The following SP140 variants were observed in gnomAD, a reference collection of about 807,000 sequenced individuals.
The protein encoded by SP140 is SP140 nuclear body protein.
A neutral mutation model predicts 125.0 loss-of-function variants in SP140; 81 were observed. The ratio of observed to expected loss-of-function variants is 0.65; its 90% CI spans 0.54 to 0.78. SP140 has a LOEUF of 0.78. SP140 is among the 30% of genes least tolerant of loss of function. The pLI is 0.00. For missense variants in SP140, 858 were observed against 1,037.0 expected (o/e 0.83, Z 2.37); for synonymous variants, 312 against 354.0 (o/e 0.88, Z 1.33).
At chr2:230,269,388 G>A (rs1282980172) in intron 12 of SP140, 144 bp from the exon 13 acceptor site, 1 of 623,504 alleles carries the variant, frequency 1.6e-6, no homozygotes, top group Non-Finnish European at 2.9e-6. Flanking sequence ...TGTGTCAAAT[G>A]TGATTATTGG....
Position 230,285,797 on chromosome 2 carries a change from C to T in SP140, c.1610C>T (p.Ala537Val), listed in dbSNP as rs763966598. Residue 537 changes from alanine (A) to valine (V), a missense_variant, in exon 17 of 27, where the codon GCG becomes GTG. By Grantham distance (64) the Ala-to-Val change is moderately conservative. Transcript: ENST00000392045. Reference protein sequence around the residue: ...DGQVVSSEKKANVNLKDLSKI... With the variant: ...DGQVVSSEKKVNVNLKDLSKI... ...CAGGTGGTCTCCAGTGAAAAGAAGG[C>T]GAACGTGAATCTGAAAGACCTTTCC... 3.6e-5 allele frequency: 58 copies of T among 1,613,504 alleles called. 1 individual carries two copies. Among genetic ancestry groups the T allele is most frequent in the Admixed American group, 1.0e-4 (6 of 59,986 alleles).
chr2:230,301,878 T>G (rs1196572917), intron 22 of SP140, among the ~76,000 whole-genome samples: 5 of 152,096 alleles, frequency 3.3e-5, no homozygotes, highest in Non-Finnish European at 5.9e-5. Context: ...CCTGCTGTCT[T>G]CAAGAGACTC....
intron 1 of SP140, among the ~76,000 whole-genome samples, chr2:230,226,562 A>G (rs1352775177): frequency 6.6e-6 from 1 of 152,210 alleles, no homozygotes; most frequent in Non-Finnish European, 1.5e-5. Context: ...TAAGACAATG[A>G]GACCAGTCTG....
chr2:230,188,700 T>C, the SP140 span, among the ~76,000 whole-genome samples: 6 of 152,190 alleles, frequency 3.9e-5, no homozygotes, highest in Admixed American at 1.3e-4. Flanking sequence ...TCTAAAGGGA[T>C]GCTGGATTTT....
chr2:230,243,690 C>A (rs760486235), intron 4 of SP140, 41 bp from the exon 5 acceptor site: 1 of 1,456,012 alleles, frequency 6.9e-7, no homozygotes, highest in Non-Finnish European at 9.6e-7. Context: ...GCTTTTTGAC[C>A]ATAAATCAAG....
the SP140 span, among the ~76,000 whole-genome samples, chr2:230,197,900 T>C: frequency 0.88 from 133,502 of 152,222 alleles, 58,587 homozygotes; most frequent in East Asian, 1. Flanking sequence ...AATTCTCCCA[T>C]GTTGGCCTCC....
chr2:230,258,020 A>G lies in SP140; in HGVS notation c.1240+2488A>G, dbSNP rs535537433. 4.9e-4 allele frequency among the ~76,000 whole-genome samples: 74 copies of G among 152,188 alleles called. 2 individuals are homozygous for G. The South Asian group carries it at 0.015, about 32-fold the overall frequency. ...GACTTTCAGAAGCATGGGGAAGTCA[A>G]TGGTTGGCTGGCTTTCAGAGGCCTG... On this transcript the variant is annotated intron_variant, in intron 12 of 26. Transcript: ENST00000392045.
Position 230,211,620 on chromosome 2 carries a change from G to T in SP140, c.-322-2034G>T. The T allele has an allele frequency of 1.0e-6, 1 of 956,100 alleles. No individual in the cohort carries two copies. Among genetic ancestry groups the T allele is most frequent in the Non-Finnish European group, 1.7e-6 (1 of 580,990 alleles). The allele number at this position is 956,100 out of a possible 1,614,324, so 59.2% of individuals were successfully genotyped here. A position where few individuals can be genotyped will look rare whatever the true frequency, so the allele number is the denominator to read the frequency against. On this transcript the variant is annotated intron_variant, in intron 1 of 4. Transcript: ENST00000456542. The surrounding 1 kb of genome is among the most constrained non-coding windows in gnomAD (Gnocchi z 4.2). ...AGCAGGGACCAGAATGAGGAGAAAAGAGAATGCTCTATTCCAACAAGTAAA... is the reference window on the plus strand; with the variant it reads ...AGCAGGGACCAGAATGAGGAGAAAATAGAATGCTCTATTCCAACAAGTAAA...
At chr2:230,294,935 A>T (rs1400976573) in intron 21 of SP140, among the ~76,000 whole-genome samples, 1 of 152,224 alleles carries the variant, frequency 6.6e-6, no homozygotes, top group Non-Finnish European at 1.5e-5. Flanking sequence ...CAATGGTGCC[A>T]CTGAGGAGGA....
At chr2:230,270,743 A>G in intron 15 of SP140, 104 bp downstream of exon 15, 1 of 1,105,258 alleles carries the variant, frequency 9.0e-7, no homozygotes, top group Non-Finnish European at 1.4e-6. Flanking sequence ...TATTTGTAAT[A>G]CTGTGGTAGA....
intron 6 of SP140, among the ~76,000 whole-genome samples, chr2:230,245,509 T>C (rs1325510005): frequency 6.6e-6 from 1 of 152,056 alleles, no homozygotes; most frequent in Non-Finnish European, 1.5e-5. Context: ...AATAGGGATA[T>C]AACGGGGCAA....
chr2:230,288,931 C>T (rs771119950), intron 18 of SP140, among the ~76,000 whole-genome samples: 4 of 152,230 alleles, frequency 2.6e-5, no homozygotes, highest in East Asian at 1.9e-4. Context: ...AATAAACACA[C>T]GTGTGTGTGT....
chr2:230,236,528 A>G (rs533420503), intron 1 of SP140, among the ~76,000 whole-genome samples: 2 of 152,346 alleles, frequency 1.3e-5, no homozygotes, highest in African/African-American at 4.8e-5. Flanking sequence ...TTGGAGACCC[A>G]GGAGAGCTGA....
chr2:230,305,043 T>A (rs1252727033), intron 22 of SP140, among the ~76,000 whole-genome samples: 1 of 152,110 alleles, frequency 6.6e-6, no homozygotes, highest in African/African-American at 2.4e-5. Flanking sequence ...TACAAGGAAC[T>A]CAAAGCAATC....
intron 22 of SP140, among the ~76,000 whole-genome samples, chr2:230,304,733 T>G (rs1217824258): frequency 6.6e-6 from 1 of 152,178 alleles, no homozygotes; most frequent in East Asian, 1.9e-4. Flanking sequence ...TGAATCCTCA[T>G]CTCTCACCTT....
chr2:230,254,128 C>T (rs980057071), intron 11 of SP140, among the ~76,000 whole-genome samples: 1 of 151,984 alleles, frequency 6.6e-6, no homozygotes, highest in African/African-American at 2.4e-5. Context: ...CAAATGGAGG[C>T]AAATACAAAT....
chr2:230,316,046 G>A (rs1444904011), downstream of SP140, among the ~76,000 whole-genome samples: 1 of 152,158 alleles, frequency 6.6e-6, no homozygotes, highest in Non-Finnish European at 1.5e-5. Flanking sequence ...ATATCCTTAC[G>A]GTCTTGCTCC....
intron 15 of SP140, among the ~76,000 whole-genome samples, chr2:230,279,509 C>A (rs1009953093): frequency 3.9e-5 from 6 of 152,152 alleles, no homozygotes; most frequent in African/African-American, 1.4e-4. Flanking sequence ...GAAATAAACA[C>A]TCATGCATGT....
chr2:230,261,203 G>A (rs1032012247), intron 12 of SP140, among the ~76,000 whole-genome samples: 7 of 151,394 alleles, frequency 4.6e-5, no homozygotes, highest in African/African-American at 1.5e-4. Context: ...TGTTGTTGTT[G>A]TTTTGCAGCT....
Sources: allele counts gnomAD v4.1 joint callset (sites outside exome capture counted in the v4.1 genomes callset), GRCh38; gene constraint gnomAD v4.1.1; non-coding constraint Gnocchi (gnomAD v3.1); transcripts MANE v1.5; gene names NCBI Gene and HGNC (gene_info 2026-07-23, HGNC 2026-07-21).